Variants in NAALADL2 observed in about 807,000 individuals in gnomAD.
NAALADL2 encodes the protein inactive N-acetylated-alpha-linked acidic dipeptidase-like protein 2.
NAALADL2 carries 76 observed loss-of-function variants against 87.2 expected under a neutral mutation model. The observed-to-expected ratio is 0.87, with a 90% CI of 0.72 to 1.05. NAALADL2 has a LOEUF of 1.05. NAALADL2 is among the 50% of genes least tolerant of loss of function. The pLI is 0.00. For synonymous variants in NAALADL2, 354 were observed against 331.0 expected (o/e 1.07, Z -0.75); for missense variants, 1,089 against 945.8 (o/e 1.15, Z -1.99).
At chr3:174,963,856 A>C (rs1170254668) in intron 1 of NAALADL2, among the ~76,000 whole-genome samples, 1 of 152,142 alleles carries the variant, frequency 6.6e-6, no homozygotes. Flanking sequence ...ATGACAGGAA[A>C]ATATTATTTG....
intron 5 of NAALADL2, among the ~76,000 whole-genome samples, chr3:175,392,109 G>C (rs1581699916): frequency 6.6e-6 from 1 of 152,076 alleles, no homozygotes; most frequent in African/African-American, 2.4e-5. Context: ...AAATAGTCTG[G>C]CTCCAAATGA....
chr3:175,128,659 G>A (rs1727332646), intron 2 of NAALADL2, among the ~76,000 whole-genome samples: 1 of 152,066 alleles, frequency 6.6e-6, no homozygotes, highest in East Asian at 1.9e-4. Context: ...ATTTAGATAT[G>A]AGTGAATTTA....
intron 2 of NAALADL2, among the ~76,000 whole-genome samples, chr3:174,571,661 G>T (rs1006780698): frequency 6.6e-6 from 1 of 152,240 alleles, no homozygotes; most frequent in East Asian, 1.9e-4. Context: ...TTACAGGTGT[G>T]AGCCACCACT....
intron 2 of NAALADL2, among the ~76,000 whole-genome samples, chr3:174,612,715 T>C (rs1720049704): frequency 6.6e-6 from 1 of 152,156 alleles, no homozygotes; most frequent in Admixed American, 6.5e-5. Context: ...TTGAAATTCT[T>C]TGAGTTTCTT....
chr3:174,981,070 C>A (rs141404898), intron 1 of NAALADL2, among the ~76,000 whole-genome samples: 1 of 152,082 alleles, frequency 6.6e-6, no homozygotes, highest in Non-Finnish European at 1.5e-5. Context: ...GAAAATAAAA[C>A]CTTACTTTTC....
chr3:175,247,885 G>C (rs1168872914), intron 3 of NAALADL2, among the ~76,000 whole-genome samples: 1 of 152,140 alleles, frequency 6.6e-6, no homozygotes, highest in East Asian at 1.9e-4. Flanking sequence ...TCATCATCCA[G>C]ATTGGGTCCC....
chr3:174,617,051 T>C (rs931603497), intron 2 of NAALADL2, among the ~76,000 whole-genome samples: 2 of 151,802 alleles, frequency 1.3e-5, no homozygotes, highest in African/African-American at 4.8e-5. Flanking sequence ...ATTCACTTAG[T>C]TAACTTTGTA....
chr3:175,326,165 C>G (rs1760682828), intron 5 of NAALADL2, among the ~76,000 whole-genome samples: 1 of 152,218 alleles, frequency 6.6e-6, no homozygotes, highest in African/African-American at 2.4e-5. Flanking sequence ...TTCCATAAAG[C>G]CCTACGGCAT....
intron 2 of NAALADL2, among the ~76,000 whole-genome samples, chr3:174,696,892 A>G (rs983264210): frequency 9.2e-5 from 14 of 152,134 alleles, no homozygotes; most frequent in African/African-American, 3.4e-4. Context: ...AGCCGTTCTT[A>G]GCAAGTCTTG....
At chr3:175,623,966 ATAT>A (rs1406291060) in intron 10 of NAALADL2, among the ~76,000 whole-genome samples, 3 of 151,686 alleles carry the variant, frequency 2.0e-5, no homozygotes, top group East Asian at 3.9e-4. Context: ...TACACAGGGA[ATAT>A]TATTATTTTT....
At chr3:175,511,414 G>T (rs1257105309) in intron 9 of NAALADL2, among the ~76,000 whole-genome samples, 1 of 152,128 alleles carries the variant, frequency 6.6e-6, no homozygotes, top group Non-Finnish European at 1.5e-5. Context: ...GAGGAATTTG[G>T]ACATACAAAG....
intron 2 of NAALADL2, among the ~76,000 whole-genome samples, chr3:174,713,744 G>T (rs1262489886): frequency 6.6e-6 from 1 of 151,620 alleles, no homozygotes; most frequent in Non-Finnish European, 1.5e-5. Flanking sequence ...CTCCCATTTT[G>T]TAGGTTGCCT....
intron 4 of NAALADL2, among the ~76,000 whole-genome samples, chr3:175,279,098 G>A (rs1753956593): frequency 6.6e-6 from 1 of 152,120 alleles, no homozygotes; most frequent in Non-Finnish European, 1.5e-5. Flanking sequence ...AGCAATTAGA[G>A]CTGTATTTTG....
intron 1 of NAALADL2, among the ~76,000 whole-genome samples, chr3:175,012,959 A>G (rs1432877331): frequency 1.6e-5 from 2 of 125,144 alleles, no homozygotes; most frequent in African/African-American, 8.9e-5. Context: ...TATAGCCTAG[A>G]TGTGTGTGTA....
intron 1 of NAALADL2, among the ~76,000 whole-genome samples, chr3:174,900,280 A>G (rs1000837297): frequency 3.9e-5 from 6 of 152,082 alleles, no homozygotes; most frequent in Admixed American, 1.3e-4. Context: ...TAGACATGCA[A>G]TCTCAATTCA....
At chr3:175,640,939 A>G (rs1369278244) in intron 11 of NAALADL2, among the ~76,000 whole-genome samples, 1 of 152,194 alleles carries the variant, frequency 6.6e-6, no homozygotes, top group Non-Finnish European at 1.5e-5. Flanking sequence ...ATGCAACACT[A>G]AATTGTCTAT....
At chr3:174,943,584 C>G (rs1738947713) in intron 1 of NAALADL2, among the ~76,000 whole-genome samples, 1 of 152,158 alleles carries the variant, frequency 6.6e-6, no homozygotes, top group Non-Finnish European at 1.5e-5. Flanking sequence ...CGAAGGGACC[C>G]TAGTAGTAGT....
rs1225831417 is a variant in NAALADL2, at chr3:175,627,394, A to G, written c.1896+8A>G. The G allele has an allele frequency of 6.7e-7, 1 of 1,497,296 alleles. No individual in the cohort carries two copies. Among genetic ancestry groups the G allele is most frequent in the South Asian group, 1.2e-5 (1 of 81,112 alleles). 92.8% of individuals were successfully genotyped at this position (1,497,296 alleles called of 1,614,324 possible). ...CATGAAACCATTACTAAGGTAGGGG[A>G]GAAATGCATTCAAAAATAGGTGAGA... On this transcript the variant is annotated splice_region_variant and intron_variant, in intron 11 of 13. Coordinates refer to ENST00000454872, the MANE Select transcript of NAALADL2 (RefSeq NM_207015.3).
At chr3:175,265,355 T>C (rs1468453778) in intron 4 of NAALADL2, among the ~76,000 whole-genome samples, 1 of 151,816 alleles carries the variant, frequency 6.6e-6, no homozygotes, top group East Asian at 1.9e-4. Flanking sequence ...TGATATTTCA[T>C]AGGTAAGATG....
Sources: gnomAD v4.1 joint callset for allele counts (sites outside exome capture counted in the v4.1 genomes callset) on GRCh38, gnomAD v4.1.1 for gene constraint, MANE v1.5 for transcripts, NCBI Gene and HGNC (gene_info 2026-07-23, HGNC 2026-07-21) for gene names.